Variants in UVSSA observed in about 807,000 individuals in gnomAD.
UVSSA encodes the protein UV-stimulated scaffold protein A.
In UVSSA, 72 loss-of-function variants were observed where a neutral mutation model predicts 73.9. That is an observed-to-expected ratio of 0.97 (90% CI 0.81 to 1.19). The LOEUF is 1.19. Ranked by LOEUF, UVSSA falls within the 50% of genes most tolerant of loss-of-function variation. The probability of loss-of-function intolerance (pLI) is 0.00; values close to 1 mark genes in which losing one functional copy is unlikely to be tolerated. For synonymous variants in UVSSA, 454 were observed against 391.3 expected, an observed-to-expected ratio of 1.16 and a Z score of -1.89; for missense variants, 1,150 against 965.0, an observed-to-expected ratio of 1.19 and a Z score of -2.54.
At chr4:1,380,020 T>G (rs1467063309) in intron 10 of UVSSA, 27 bp from the exon 11 acceptor site, 3 of 1,574,652 alleles carry the variant, frequency 1.9e-6, no homozygotes. Flanking sequence ...CTGCAGATGC[T>G]ATGAGGGCCT....
intron 7 of UVSSA, among the ~76,000 whole-genome samples, chr4:1,359,675 C>T (rs1199832627): frequency 3.3e-5 from 5 of 152,200 alleles, no homozygotes; most frequent in South Asian, 2.1e-4. Flanking sequence ...TGGGTTTGGC[C>T]GTGGATGCAT....
chr4:1,383,663 GCC>G (rs1342955475), intron 12 of UVSSA, 101 bp from the exon 13 acceptor site: 13 of 1,458,310 alleles, frequency 8.9e-6, no homozygotes, highest in Non-Finnish European at 1.1e-5. Flanking sequence ...AGGCGACCCA[GCC>G]CCCCTGTCAG....
At chr4:1,380,512 C>A in intron 11 of UVSSA, 1 of 908,250 alleles carries the variant, frequency 1.1e-6, no homozygotes. Context: ...ATGGTTGCAG[C>A]CCGGGTCTGT....
chr4:1,354,704 C>T (rs1364527812), intron 5 of UVSSA, 31 bp from the exon 6 acceptor site: 5 of 1,601,848 alleles, frequency 3.1e-6, no homozygotes, highest in Non-Finnish European at 8.5e-7. Context: ...CAGTCGGCGC[C>T]CTCTTGTGAC....
chr4:1,380,402 C>CAGAGCATGGTGTCTGG (rs938989841), intron 11 of UVSSA, among the ~76,000 whole-genome samples, 172 bp downstream of exon 11: 1 of 152,232 alleles, frequency 6.6e-6, no homozygotes, highest in African/African-American at 2.4e-5. Flanking sequence ...CGTTGGCCAT[C>CAGAGCATGGTGTCTGG]AGAGCATGGT....
intron 8 of UVSSA, among the ~76,000 whole-genome samples, chr4:1,367,002 C>T (rs569909547): frequency 2.4e-4 from 36 of 152,322 alleles, no homozygotes; most frequent in Non-Finnish European, 4.3e-4. Flanking sequence ...GGGGCCACCA[C>T]CCCGCGCCTT....
intron 2 of UVSSA, among the ~76,000 whole-genome samples, chr4:1,348,615 T>G (rs1714112692): frequency 6.6e-6 from 1 of 152,176 alleles, no homozygotes; most frequent in African/African-American, 2.4e-5. Context: ...CCGGAGGGGA[T>G]CTCTGCCGTC....
chr4:1,366,267 G>C lies in UVSSA; in HGVS notation c.1177-53G>C, dbSNP rs1007655185. 7.0e-6 allele frequency: 10 copies of C among 1,419,144 alleles called. No individual in the cohort carries two copies. The African/African-American group carries it at 1.3e-4, about 18-fold the overall frequency. The allele number at this position is 1,419,144 out of a possible 1,614,324, so 87.9% of individuals were successfully genotyped here. A position where few individuals can be genotyped will look rare whatever the true frequency, so the allele number is the denominator to read the frequency against. ...TCCAGGGCTCTGCCCACCGGGAGCTGTGTTCATACACAGGGTCTGGGGGTT... is the reference window on the plus strand; with the variant it reads ...TCCAGGGCTCTGCCCACCGGGAGCTCTGTTCATACACAGGGTCTGGGGGTT... On this transcript the variant is annotated intron_variant, in intron 7 of 13. Coordinates refer to ENST00000389851, the MANE Select transcript of UVSSA (RefSeq NM_020894.4).
chr4:1,394,306 G>T (rs2109335631), exon 14 of UVSSA: 1 of 938,458 alleles, frequency 1.1e-6, no homozygotes, highest in Non-Finnish European at 1.5e-6. Context: ...ATCTTTCTTG[G>T]CTTCTAAGTT....
Position 1,366,447 on chromosome 4 carries a change from C to CG in UVSSA, c.1288+17dup. The CG allele has an allele frequency of 6.3e-7, 1 of 1,584,196 alleles. No homozygotes were observed. The highest frequency in any genetic ancestry group is 1.1e-5 in the South Asian group (1 of 87,294). On this transcript the variant is annotated intron_variant, in intron 8 of 13. Transcript: ENST00000389851. ...CCTGAGTATGGTGAGCAGTGGGTCC[C>CG]GTGGGGGGGGCACCTGGGTGGAGGG...
chr4:1,381,486 G>A (rs1365583684), intron 12 of UVSSA, among the ~76,000 whole-genome samples: 1 of 152,190 alleles, frequency 6.6e-6, no homozygotes, highest in Admixed American at 6.5e-5. Flanking sequence ...AGAGGCCCTG[G>A]ACAGCAAGGC....
chr4:1,348,625 C>T (rs979053970), intron 2 of UVSSA, among the ~76,000 whole-genome samples: 2 of 152,224 alleles, frequency 1.3e-5, no homozygotes, highest in Non-Finnish European at 2.9e-5. Flanking sequence ...TCTCTGCCGT[C>T]ACCCTCAGGC....
upstream of UVSSA, among the ~76,000 whole-genome samples, chr4:1,346,772 C>T (rs569947111): frequency 3.3e-5 from 5 of 152,174 alleles, no homozygotes; most frequent in East Asian, 5.9e-4. Flanking sequence ...CGTTGAGGCC[C>T]AGACCGGAAC....
Position 1,376,085 on chromosome 4 carries a change from G to C in UVSSA, c.1485G>C (p.Glu495Asp), listed in dbSNP as rs1288602314. The change falls in exon 10 of 14, where the codon GAG (glutamate) becomes GAC (aspartate). Residue 495 changes from glutamate (E) to aspartate (D), a missense_variant. Coordinates refer to ENST00000389851, the MANE Select transcript of UVSSA (RefSeq NM_020894.4). The stretch of plus-strand genomic sequence containing the variant: ...AGGAGGCCCAGAAGCTGGCAGCAGA[G>C]CGGGCCCGGGCGCCTGTGGTGCCCT... ...EPQEAQKLAAERARAPVVPYG... is the reference protein window; with the variant it reads ...EPQEAQKLAADRARAPVVPYG... 1.9e-6 allele frequency: 3 copies of C among 1,602,082 alleles called. No individual in the cohort carries two copies. Among genetic ancestry groups the C allele is most frequent in the Non-Finnish European group, 2.6e-6 (3 of 1,174,938 alleles).
upstream of UVSSA, among the ~76,000 whole-genome samples, chr4:1,343,363 T>C (rs1234003159): frequency 6.6e-6 from 1 of 152,094 alleles, no homozygotes; most frequent in Non-Finnish European, 1.5e-5. Flanking sequence ...CGTTCCCCTC[T>C]TTAAAGGCCT....
intron 10 of UVSSA, 24 bp downstream of exon 10, chr4:1,376,192 C>A (rs201921251): frequency 1.9e-6 from 3 of 1,593,000 alleles, no homozygotes; most frequent in Non-Finnish European, 2.6e-6. Context: ...TGTCTGAAGT[C>A]GGCCAGGGCA....
At chr4:1,394,427 T>C in exon 14 of UVSSA, 1 of 1,590,864 alleles carries the variant, frequency 6.3e-7, no homozygotes. Flanking sequence ...ATCATTGATC[T>C]ACTTCTAGTT....
chr4:1,349,824 G>C lies in UVSSA; in HGVS notation c.399G>C (p.Leu133Phe). 1 of 1,575,934 alleles carries C rather than the reference G, an allele frequency of 6.3e-7. No individual in the cohort carries two copies. The highest frequency in any genetic ancestry group is 1.2e-5 in the South Asian group (1 of 86,928). The change falls in exon 3 of 14, where the codon TTG (leucine) becomes TTC (phenylalanine). Residue 133 changes from leucine (L) to phenylalanine (F), a missense_variant. Physicochemically the swap from Leu to Phe is conservative, Grantham distance 22. Coordinates refer to ENST00000389851, the MANE Select transcript of UVSSA (RefSeq NM_020894.4). The part of the protein sequence containing the change: ...KFGEAYKKLA[L>F]GYHFLRHNKK... ...GGGAGGCCTACAAGAAGCTTGCCTT[G>C]GGCTACCACTTCTTAAGACACAACA...
chr4:1,380,664 T>G, intron 11 of UVSSA: 1 of 1,532,740 alleles, frequency 6.5e-7, no homozygotes, highest in Non-Finnish European at 8.8e-7. Context: ...GCCCAAGACC[T>G]TCCGGCTCCA....
Sources: allele counts gnomAD v4.1 joint callset (sites outside exome capture counted in the v4.1 genomes callset), GRCh38; gene constraint gnomAD v4.1.1; transcripts MANE v1.5; gene names NCBI Gene and HGNC (gene_info 2026-07-23, HGNC 2026-07-21).